The following SLC6A11 variants were observed in gnomAD, a reference collection of about 807,000 sequenced individuals.
SLC6A11 encodes the protein solute carrier family 6 member 11, also known as sodium- and chloride-dependent GABA transporter 3.
In SLC6A11, 25 loss-of-function variants were observed where a neutral mutation model predicts 74.8. The observed-to-expected ratio is 0.33, with a 90% CI of 0.24 to 0.47. SLC6A11 has a LOEUF of 0.47. SLC6A11 is among the 20% of genes least tolerant of loss of function. SLC6A11 has a pLI of 1.00. For missense variants in SLC6A11, 574 were observed against 837.0 expected, an observed-to-expected ratio of 0.69 and a Z score of 3.88; for synonymous variants, 330 against 330.2, an observed-to-expected ratio of 1.00 and a Z score of 0.01.
intron 6 of SLC6A11, among the ~76,000 whole-genome samples, chr3:10,885,157 G>T (rs1695027980): frequency 6.6e-6 from 1 of 152,140 alleles, no homozygotes. Context: ...TTCTTTGAAT[G>T]CATTTTCCTT....
chr3:10,911,066 C>T (rs1015095989), intron 6 of SLC6A11, among the ~76,000 whole-genome samples: 31 of 152,184 alleles, frequency 2.0e-4, no homozygotes, highest in Admixed American at 1.7e-3. Flanking sequence ...TCAGGTGATC[C>T]ACCCACCTCA....
intron 10 of SLC6A11, among the ~76,000 whole-genome samples, chr3:10,930,347 G>A (rs1695669312): frequency 6.6e-6 from 1 of 152,136 alleles, no homozygotes. Context: ...AGACCTCAGG[G>A]GCCGTGAGAA....
In SLC6A11 at chr3:10,823,178, A is replaced by G. The variant is rs943168770; in HGVS notation, c.533-124A>G. 9 of 680,800 alleles carry G rather than the reference A, an allele frequency of 1.3e-5. No homozygotes were observed. The African/African-American group carries it at 1.6e-4, about 12-fold the overall frequency. 42.2% of individuals were successfully genotyped at this position (680,800 alleles called of 1,614,324 possible). On this transcript the variant is annotated intron_variant, in intron 3 of 13. Coordinates refer to ENST00000254488, the MANE Select transcript of SLC6A11 (RefSeq NM_014229.3). ...TATTGATTTTCCCCACTGCCCTTTG[A>G]CGCATGTTTACCTGGAGTGGGTAGA...
Position 10,816,474 on chromosome 3 carries a change from T to G in SLC6A11, c.209T>G (p.Leu70Arg). The G allele has an allele frequency of 6.2e-7, 1 of 1,605,114 alleles. No individual in the cohort carries two copies. The highest frequency in any genetic ancestry group is 8.5e-7 in the Non-Finnish European group (1 of 1,176,172). The change falls in exon 1 of 14, where the codon CTG becomes CGG. Residue 70 changes from leucine to arginine, a missense_variant. Physicochemically the swap from Leu to Arg is moderately radical, Grantham distance 102. This residue lies in a region of SLC6A11 where 215 missense variants were observed against 357.9 expected (regional missense o/e 0.60). Transcript: ENST00000254488. This position sits in a 1 kb window ranked among gnomAD's most constrained non-coding sequence, Gnocchi z 4.2. ...AGCGTGGCCGGGGAGATCATTGGGCTGGGCAACGTGTGGCGCTTCCCCTAC... is the reference window on the plus strand; with the variant it reads ...AGCGTGGCCGGGGAGATCATTGGGCGGGGCAACGTGTGGCGCTTCCCCTAC... ...VLSVAGEIIGLGNVWRFPYLC... is the reference protein window; with the variant it reads ...VLSVAGEIIGRGNVWRFPYLC...
At chr3:10,912,220 C>CATT in intron 7 of SLC6A11, 27 bp downstream of exon 7, 2 of 1,476,264 alleles carry the variant, frequency 1.4e-6, no homozygotes, top group Non-Finnish European at 1.9e-6. Context: ...GCCCTGCCAG[C>CATT]TCTCCACCAA....
chr3:10,935,433 A>G (rs1190181118), intron 13 of SLC6A11: 1 of 526,270 alleles, frequency 1.9e-6, no homozygotes, highest in African/African-American at 1.9e-5. Context: ...CTGTCTGTAA[A>G]ATGGGATAAC....
chr3:10,833,848 G>A (rs914086888), intron 4 of SLC6A11, among the ~76,000 whole-genome samples: 1 of 152,178 alleles, frequency 6.6e-6, no homozygotes, highest in African/African-American at 2.4e-5. Context: ...TATAAAATTA[G>A]CCAGACGGGT....
intron 5 of SLC6A11, among the ~76,000 whole-genome samples, chr3:10,873,733 C>CTAT (rs1559567070): frequency 6.7e-5 from 10 of 149,824 alleles, no homozygotes; most frequent in Admixed American, 1.3e-4. Context: ...CTATCCTATC[C>CTAT]CGTCCCGTCC....
At chr3:10,864,761 G>A (rs967994304) in intron 5 of SLC6A11, among the ~76,000 whole-genome samples, 3 of 152,190 alleles carry the variant, frequency 2.0e-5, no homozygotes, top group Non-Finnish European at 4.4e-5. Flanking sequence ...CATCCATAGT[G>A]GCCGCTCTGG....
intron 6 of SLC6A11, among the ~76,000 whole-genome samples, chr3:10,889,223 C>G (rs531898157): frequency 6.6e-6 from 1 of 152,108 alleles, no homozygotes; most frequent in Non-Finnish European, 1.5e-5. Context: ...GAACATCTTG[C>G]ATTTGGGTGA....
At chr3:10,913,083 C>G (rs1396648658) in intron 7 of SLC6A11, among the ~76,000 whole-genome samples, 1 of 130,772 alleles carries the variant, frequency 7.6e-6, no homozygotes, top group East Asian at 2.3e-4. Context: ...ACAAATGGTT[C>G]TGAGATAGGA....
chr3:10,869,377 C>T (rs1220728366), intron 5 of SLC6A11, among the ~76,000 whole-genome samples: 2 of 152,192 alleles, frequency 1.3e-5, no homozygotes, highest in African/African-American at 4.8e-5. Flanking sequence ...TTAAATGGAC[C>T]ACTCTGAGCC....
At chr3:10,937,801 C>T (rs1401979856) in intron 13 of SLC6A11, among the ~76,000 whole-genome samples, 1 of 152,210 alleles carries the variant, frequency 6.6e-6, no homozygotes, top group Non-Finnish European at 1.5e-5. Flanking sequence ...CATGATGGCA[C>T]CCCTTCCAAG....
chr3:10,923,334 G>A (rs1304884291), intron 8 of SLC6A11, among the ~76,000 whole-genome samples: 1 of 151,486 alleles, frequency 6.6e-6, no homozygotes, highest in Non-Finnish European at 1.5e-5. Flanking sequence ...GAACATTTTT[G>A]TGATGCCAAA....
intron 4 of SLC6A11, among the ~76,000 whole-genome samples, chr3:10,837,812 C>T (rs897286216): frequency 7.2e-5 from 11 of 152,304 alleles, no homozygotes; most frequent in East Asian, 1.9e-4. Flanking sequence ...GGGCCCCTGC[C>T]GTGGACTCTG....
intron 6 of SLC6A11, among the ~76,000 whole-genome samples, chr3:10,908,447 CAG>C (rs938251018): frequency 1.3e-5 from 2 of 152,138 alleles, no homozygotes; most frequent in Admixed American, 6.5e-5. Flanking sequence ...ATAAAAATGA[CAG>C]ACTTTTCCCC....
At chr3:10,878,227 C>T (rs572827911) in intron 6 of SLC6A11, among the ~76,000 whole-genome samples, 1 of 152,272 alleles carries the variant, frequency 6.6e-6, no homozygotes, top group East Asian at 1.9e-4. Flanking sequence ...GCTGCGTCCC[C>T]TACTACTCTC....
At chr3:10,847,195 G>T (rs575464506) in intron 5 of SLC6A11, among the ~76,000 whole-genome samples, 2 of 152,296 alleles carry the variant, frequency 1.3e-5, no homozygotes, top group East Asian at 3.9e-4. Flanking sequence ...GGAAGCAGAA[G>T]ATTGGGATTA....
At chr3:10,935,866 T>C (rs985414094) in intron 13 of SLC6A11, among the ~76,000 whole-genome samples, 13 of 152,224 alleles carry the variant, frequency 8.5e-5, no homozygotes, top group African/African-American at 2.7e-4. Context: ...TAGGATACTT[T>C]CATTGTCCTA....
Sources: allele counts gnomAD v4.1 joint callset (sites outside exome capture counted in the v4.1 genomes callset), GRCh38; gene constraint gnomAD v4.1.1; regional missense constraint gnomAD v4.1.1; non-coding constraint Gnocchi (gnomAD v3.1); transcripts MANE v1.5; gene names NCBI Gene and HGNC (gene_info 2026-07-23, HGNC 2026-07-21).